Variants in UBE2Q2 observed in about 807,000 individuals in gnomAD.
The protein encoded by UBE2Q2 is ubiquitin conjugating enzyme E2 Q2, also known as ubiquitin-conjugating enzyme E2 Q2.
Under a neutral mutation model 59.9 loss-of-function variants are expected in UBE2Q2, and 54 were observed. The observed-to-expected ratio is 0.90, with a 90% CI of 0.72 to 1.13. UBE2Q2 has a LOEUF of 1.13. UBE2Q2 is among the 50% of genes most tolerant of loss of function. The probability of loss-of-function intolerance (pLI) is 0.00; values close to 1 mark genes in which losing one functional copy is unlikely to be tolerated. For synonymous variants in UBE2Q2, 165 were observed against 155.2 expected (o/e 1.06, Z -0.47); for missense variants, 433 against 441.9 (o/e 0.98, Z 0.18).
Position 75,899,663 on chromosome 15 carries a change from G to T in UBE2Q2, c.*205G>T. The T allele has an allele frequency of 5.7e-6, 2 of 349,146 alleles. No homozygotes were observed. The highest frequency in any genetic ancestry group is 1.0e-5 in the Non-Finnish European group (2 of 193,122). 21.6% of individuals were successfully genotyped at this position (349,146 alleles called of 1,614,324 possible). On this transcript the variant is annotated 3_prime_UTR_variant, in exon 13 of 13. Transcript: ENST00000267938. ...TTTTAGATATCTTGGACTGAGCAGT[G>T]GGGCCTTTACTGTATTTTTCCTGAT...
intron 2 of UBE2Q2, among the ~76,000 whole-genome samples, chr15:75,858,406 T>C (rs1897030108): frequency 1.3e-5 from 2 of 152,174 alleles, no homozygotes; most frequent in South Asian, 4.1e-4. Flanking sequence ...AATGAAATAA[T>C]CAAACTAGTC....
intron 11 of UBE2Q2, among the ~76,000 whole-genome samples, chr15:75,891,463 T>TC (rs1899102474): frequency 6.6e-6 from 1 of 151,332 alleles, no homozygotes; most frequent in African/African-American, 2.4e-5. Flanking sequence ...CTTTTTTTTT[T>TC]CTCTGTGCCT....
At chr15:75,896,705 G>A (rs1042456829) in intron 11 of UBE2Q2, among the ~76,000 whole-genome samples, 10 of 152,018 alleles carry the variant, frequency 6.6e-5, no homozygotes, top group Non-Finnish European at 1.5e-4. Flanking sequence ...ATATGGAGAC[G>A]GACTCTAGAA....
At chr15:75,854,581 T>A in intron 2 of UBE2Q2, 94 bp downstream of exon 2, 1 of 728,872 alleles carries the variant, frequency 1.4e-6, no homozygotes, top group Non-Finnish European at 2.1e-6. Context: ...AAAGCATGAT[T>A]AATGATTATA....
At chr15:75,870,286 C>T (rs925680681) in intron 4 of UBE2Q2, among the ~76,000 whole-genome samples, 6 of 152,138 alleles carry the variant, frequency 3.9e-5, no homozygotes, top group African/African-American at 7.2e-5. Flanking sequence ...AGGTTCATCT[C>T]GTGAACTCCT....
In UBE2Q2 at chr15:75,859,976, G is replaced by A. The variant is rs1434869505; in HGVS notation, c.381G>A (p.Thr127=). 6 of 1,591,378 alleles carry A rather than the reference G, an allele frequency of 3.8e-6. No individual in the cohort carries two copies. Among genetic ancestry groups the A allele is most frequent in the Admixed American group, 3.7e-5 (2 of 54,650 alleles). Residue 127 remains threonine, a synonymous_variant, in exon 3 of 13, where the codon ACG becomes ACA. Transcript: ENST00000267938. The part of the protein sequence containing the change: ...DVEMLDQPLP[T]GQNGTTEEVT... ...AGATGCTAGATCAACCACTACCCAC[G>A]GGTCAGGTAAAGTAAAAATTCTCTA... is the stretch of plus-strand genomic sequence containing the variant.
intron 9 of UBE2Q2, among the ~76,000 whole-genome samples, chr15:75,885,309 G>A (rs1284331165): frequency 1.3e-5 from 2 of 151,962 alleles, no homozygotes; most frequent in East Asian, 3.9e-4. Flanking sequence ...GTGGAGATGG[G>A]GTTTCACCAT....
Position 75,900,683 on chromosome 15 carries a change from T to G in UBE2Q2, c.*1225T>G, listed in dbSNP as rs1780672097. The G allele has an allele frequency of 6.5e-6, 1 of 152,672 alleles. No homozygotes were observed. 9.5% of individuals were successfully genotyped at this position (152,672 alleles called of 1,614,324 possible). On this transcript the variant is annotated 3_prime_UTR_variant, in exon 13 of 13. Coordinates refer to ENST00000267938, the MANE Select transcript of UBE2Q2 (RefSeq NM_173469.4). ...ACTTTGTAAACCACATCTGAGAGAC[T>G]TGTCATTTCTACATTGTGTGTGTTT... is the stretch of plus-strand genomic sequence containing the variant.
intron 1 of UBE2Q2, among the ~76,000 whole-genome samples, chr15:75,847,879 C>T (rs535148191): frequency 6.6e-6 from 1 of 152,182 alleles, no homozygotes; most frequent in South Asian, 2.1e-4. Flanking sequence ...TAAATGATTA[C>T]CCTTTCTGCG....
chr15:75,862,992 A>G (rs1897274387), intron 3 of UBE2Q2, among the ~76,000 whole-genome samples: 1 of 151,944 alleles, frequency 6.6e-6, no homozygotes, highest in Non-Finnish European at 1.5e-5. Context: ...TCCTCTGGAG[A>G]TGAAATCTGT....
At chr15:75,869,546 A>T (rs1897675103) in intron 4 of UBE2Q2, among the ~76,000 whole-genome samples, 1 of 152,236 alleles carries the variant, frequency 6.6e-6, no homozygotes, top group Non-Finnish European at 1.5e-5. Flanking sequence ...CAAGATCAAG[A>T]TACCAACATT....
intron 8 of UBE2Q2, among the ~76,000 whole-genome samples, chr15:75,881,669 T>G (rs1009618500): frequency 1.3e-5 from 2 of 152,150 alleles, no homozygotes; most frequent in African/African-American, 4.8e-5. Context: ...GAACAGTATA[T>G]ATTTATGGCC....
rs202209762 is a variant in UBE2Q2, at chr15:75,843,814, C to T, written c.148C>T (p.Pro50Ser). ...GCAGCAGGGCAGCCCGCACTCGCTG[C>T]CGCCGCCACTCACGCTCCACTGCAA... ...VPQQGSPHSL[P>S]PPLTLHCNIT... The change falls in exon 1 of 13, where the codon CCG (proline) becomes TCG (serine). Residue 50 changes from proline (P) to serine (S), a missense_variant. Transcript: ENST00000267938. The T allele has an allele frequency of 1.9e-5, 31 of 1,599,732 alleles. No individual in the cohort carries two copies. Among genetic ancestry groups the T allele is most frequent in the Non-Finnish European group, 2.6e-5 (30 of 1,175,060 alleles).
At chr15:75,862,543 G>A (rs1897251978) in intron 3 of UBE2Q2, among the ~76,000 whole-genome samples, 1 of 150,918 alleles carries the variant, frequency 6.6e-6, no homozygotes, top group South Asian at 2.1e-4. Flanking sequence ...GAGGCTGGGT[G>A]TGGTGGCTCA....
rs748376950 is a variant in UBE2Q2 at position 75,854,474 on chromosome 15, A to G, written c.269A>G (p.Lys90Arg). The G allele has an allele frequency of 4.4e-6, 7 of 1,609,112 alleles. 1 individual carries two copies. In the Admixed American group the frequency reaches 1.2e-4, roughly 27 times the overall value. Residue 90 changes from lysine to arginine, a missense_variant, in exon 2 of 13, where the codon AAG (lysine) becomes AGG (arginine). By Grantham distance (26) the Lys-to-Arg change is conservative (BLOSUM62 2). Coordinates refer to ENST00000267938, the MANE Select transcript of UBE2Q2 (RefSeq NM_173469.4). ...GTTCTGGAACGTCTAGAAGATACTAAGAACAACAATTTGGTAAGAAAATAA... is the reference window on the plus strand; with the variant it reads ...GTTCTGGAACGTCTAGAAGATACTAGGAACAACAATTTGGTAAGAAAATAA... ...TSVLERLEDT[K>R]NNNLLRQQLK...
intron 7 of UBE2Q2, 120 bp downstream of exon 7, chr15:75,878,141 T>C (rs1898189601): frequency 9.1e-6 from 7 of 766,336 alleles, no homozygotes; most frequent in Non-Finnish European, 1.4e-5. Flanking sequence ...TTAGACTTTG[T>C]TTCTATAGAA....
In UBE2Q2 at chr15:75,845,903, T is replaced by C. The variant is rs373508585; in HGVS notation, c.180+2057T>C. ...TGGAGCAAGAAGTGAATGAGACACT[T>C]TCAGTACAAGGAGGATTTAGTGAGG... On this transcript the variant is annotated intron_variant, in intron 1 of 12. Transcript: ENST00000267938. 8.5e-5 allele frequency among the ~76,000 whole-genome samples: 13 copies of C among 152,084 alleles called. 1 individual carries two copies. Among genetic ancestry groups the C allele is most frequent in the African/African-American group, 3.1e-4 (13 of 41,392 alleles).
At chr15:75,853,854 C>G (rs1481804321) in intron 1 of UBE2Q2, among the ~76,000 whole-genome samples, 1 of 152,136 alleles carries the variant, frequency 6.6e-6, no homozygotes. Context: ...GACTGGGCCT[C>G]CGTTTCTGGA....
intron 3 of UBE2Q2, among the ~76,000 whole-genome samples, chr15:75,866,099 GTATTT>G (rs1379524825): frequency 2.6e-5 from 4 of 151,628 alleles, no homozygotes; most frequent in Non-Finnish European, 5.9e-5. Context: ...TTCTTTCTGT[GTATTT>G]TATTTTTTCT....
Sources: allele counts gnomAD v4.1 joint callset (sites outside exome capture counted in the v4.1 genomes callset), GRCh38; gene constraint gnomAD v4.1.1; transcripts MANE v1.5; gene names NCBI Gene and HGNC (gene_info 2026-07-23, HGNC 2026-07-21).